GRAP2: variants seen among roughly 807,000 people sequenced by gnomAD.
The protein encoded by GRAP2 is GRB2-related adapter protein 2.
GRAP2 carries 31 observed loss-of-function variants against 43.5 expected under a neutral mutation model. The observed-to-expected ratio is 0.71, with a 90% CI of 0.54 to 0.96. GRAP2 has a LOEUF of 0.96. GRAP2 is among the 40% of genes least tolerant of loss of function. GRAP2 has a pLI of 0.00. For missense variants in GRAP2, 371 were observed against 424.4 expected (o/e 0.87, Z 1.11); for synonymous variants, 156 against 164.8 (o/e 0.95, Z 0.41).
At chr22:39,902,060 C>A (rs763716854) in intron 1 of GRAP2, among the ~76,000 whole-genome samples, 1 of 152,226 alleles carries the variant, frequency 6.6e-6, no homozygotes, top group South Asian at 2.1e-4. Context: ...AAAAATTTAC[C>A]GTATTTATCT....
At chr22:39,893,833 G>C in the GRAP2 span, 1 of 152,322 alleles carries the variant, frequency 6.6e-6, no homozygotes, top group African/African-American at 2.4e-5. Context: ...GTTCCTGTCA[G>C]GGCGTCAAGC....
intron 1 of GRAP2, among the ~76,000 whole-genome samples, chr22:39,932,513 T>C (rs190957669): frequency 1.6e-3 from 196 of 120,468 alleles, no homozygotes; most frequent in African/African-American, 6.4e-3. Flanking sequence ...GAGTTCAAGA[T>C]CAGCCTGAGC....
At chr22:39,917,900 A>C (rs2066615930) in intron 1 of GRAP2, among the ~76,000 whole-genome samples, 1 of 152,190 alleles carries the variant, frequency 6.6e-6, no homozygotes, top group African/African-American at 2.4e-5. Flanking sequence ...TTAAAAAATG[A>C]AGACAACTCT....
chr22:39,947,318 G>T, intron 2 of GRAP2, 134 bp downstream of exon 2: 1 of 698,396 alleles, frequency 1.4e-6, no homozygotes. Context: ...TTCCCTTTGT[G>T]CACCCTTATA....
chr22:39,938,550 G>T (rs532133942), intron 1 of GRAP2, among the ~76,000 whole-genome samples: 1 of 152,334 alleles, frequency 6.6e-6, no homozygotes, highest in East Asian at 1.9e-4. Flanking sequence ...CTGCAGGAGG[G>T]GCCCTGGCAG....
chr22:39,916,364 T>C (rs2066602649), intron 1 of GRAP2, among the ~76,000 whole-genome samples: 2 of 152,182 alleles, frequency 1.3e-5, no homozygotes, highest in Non-Finnish European at 2.9e-5. Flanking sequence ...TCCCCAGAGG[T>C]TGGTCTTCAA....
At chr22:39,917,723 T>C (rs1278835696) in intron 1 of GRAP2, among the ~76,000 whole-genome samples, 1 of 152,242 alleles carries the variant, frequency 6.6e-6, no homozygotes, top group African/African-American at 2.4e-5. Flanking sequence ...TCTCATTAGA[T>C]GGCAAAAATT....
At chr22:39,912,542 C>G (rs908607347) in intron 1 of GRAP2, among the ~76,000 whole-genome samples, 1 of 152,148 alleles carries the variant, frequency 6.6e-6, no homozygotes, top group Non-Finnish European at 1.5e-5. Flanking sequence ...GGGAGAGGTC[C>G]TACTGGTGGG....
intron 2 of GRAP2, among the ~76,000 whole-genome samples, chr22:39,953,034 T>C (rs2067004245): frequency 6.6e-6 from 1 of 152,206 alleles, no homozygotes; most frequent in African/African-American, 2.4e-5. Flanking sequence ...TCCTTCCACC[T>C]TGGAGTGATG....
chr22:39,913,065 C>T (rs976844528), intron 1 of GRAP2, among the ~76,000 whole-genome samples: 55 of 151,906 alleles, frequency 3.6e-4, no homozygotes, highest in East Asian at 1.9e-3. Context: ...TGGTGGCGGG[C>T]GCCTGTAATC....
chr22:39,911,400 C>T (rs2066564779), intron 1 of GRAP2, among the ~76,000 whole-genome samples: 1 of 151,694 alleles, frequency 6.6e-6, no homozygotes, highest in Non-Finnish European at 1.5e-5. Flanking sequence ...CCAGCCCCAT[C>T]CTCAACTCTA....
At chr22:39,955,423 A>AG (rs2067037749) in intron 2 of GRAP2, among the ~76,000 whole-genome samples, 1 of 151,942 alleles carries the variant, frequency 6.6e-6, no homozygotes, top group Non-Finnish European at 1.5e-5. Flanking sequence ...AGAAAAAAAA[A>AG]AATACACCGT....
At chr22:39,933,744 G>C (rs948810620) in intron 1 of GRAP2, among the ~76,000 whole-genome samples, 1 of 152,008 alleles carries the variant, frequency 6.6e-6, no homozygotes, top group Non-Finnish European at 1.5e-5. Flanking sequence ...AGGAGGCTGA[G>C]GCAGGAGAAT....
At chr22:39,947,565 T>C (rs181645803) in intron 2 of GRAP2, 143 of 209,046 alleles carry the variant, frequency 6.8e-4, no homozygotes, top group African/African-American at 2.9e-3. Context: ...TGACTTGGGC[T>C]TTTAGCTAAA....
chr22:39,961,204 T>A (rs2067116548), intron 4 of GRAP2, among the ~76,000 whole-genome samples: 1 of 152,100 alleles, frequency 6.6e-6, no homozygotes, highest in Non-Finnish European at 1.5e-5. Context: ...TCCTCCTGCC[T>A]TGGCCTCCCC....
rs1338813217 is a variant in GRAP2, at chr22:39,962,133, C to T, written c.290+1959C>T. On this transcript the variant is annotated intron_variant, in intron 4 of 7. Transcript: ENST00000344138. ...AATTTCGCTCCATTAACATATATTA[C>T]AAGTCAGGGTCGGGCGCCGTGGCTC... is the stretch of plus-strand genomic sequence containing the variant. Among the ~76,000 whole-genome samples the T allele has an allele frequency of 2.0e-5, 3 of 152,314 alleles. No homozygotes were observed. The East Asian group carries it at 5.8e-4, about 29-fold the overall frequency.
upstream of GRAP2, among the ~76,000 whole-genome samples, chr22:39,898,381 C>G (rs1481765742): frequency 6.6e-6 from 1 of 152,122 alleles, no homozygotes; most frequent in Non-Finnish European, 1.5e-5. Flanking sequence ...TTTTCCAGCA[C>G]CTAGAACAGG....
chr22:39,895,254 T>C, the GRAP2 span, among the ~76,000 whole-genome samples: 2 of 152,174 alleles, frequency 1.3e-5, no homozygotes, highest in African/African-American at 2.4e-5. Flanking sequence ...AAACACTTAG[T>C]AGACAAAAGC....
At chr22:39,896,585 T>C (rs2066467333), upstream of GRAP2, among the ~76,000 whole-genome samples, 2 of 152,104 alleles carry the variant, frequency 1.3e-5, no homozygotes, top group South Asian at 4.2e-4. Flanking sequence ...GTTCATAGAC[T>C]TCAGAGTAGT....
Sources: gnomAD v4.1 joint callset for allele counts (sites outside exome capture counted in the v4.1 genomes callset) on GRCh38, gnomAD v4.1.1 for gene constraint, MANE v1.5 for transcripts, NCBI Gene and HGNC (gene_info 2026-07-23, HGNC 2026-07-21) for gene names.